Variants in OTUD7A observed in about 807,000 individuals in gnomAD.
OTUD7A encodes the protein OTU deubiquitinase 7A.
A neutral mutation model predicts 65.7 loss-of-function variants in OTUD7A; 12 were observed. The ratio of observed to expected loss-of-function variants is 0.18; its 90% CI spans 0.12 to 0.30. The LOEUF is 0.30. Among genes scored for constraint, OTUD7A ranks in the 10% least tolerant of loss-of-function variants. OTUD7A has a pLI of 1.00. For synonymous variants in OTUD7A, 641 were observed against 586.3 expected (o/e 1.09, Z -1.35); for missense variants, 1,148 against 1,304.8 (o/e 0.88, Z 1.85).
chr15:31,753,332 G>A (rs1421929356), intron 1 of OTUD7A, among the ~76,000 whole-genome samples: 3 of 151,966 alleles, frequency 2.0e-5, no homozygotes, highest in Non-Finnish European at 4.4e-5. Flanking sequence ...GTTATTGGGA[G>A]ACAGGTGGTG....
intron 1 of OTUD7A, among the ~76,000 whole-genome samples, chr15:31,798,588 C>A (rs1434293388): frequency 6.6e-6 from 1 of 152,206 alleles, no homozygotes; most frequent in African/African-American, 2.4e-5. Flanking sequence ...CCCCTGCATG[C>A]TGCACCAACC....
chr15:31,844,366 G>A lies in OTUD7A; in HGVS notation c.-100+26141C>T, dbSNP rs368984190. On this transcript the variant is annotated intron_variant, in intron 1 of 12. Transcript: ENST00000307050. ...CTAAAAATACAAAAATTAGCCAGGC[G>A]CACGCCTGTAATCCCAGCTACTCAG... Among the ~76,000 whole-genome samples the A allele has an allele frequency of 6.6e-5, 10 of 152,278 alleles. No individual in the cohort carries two copies. The East Asian group carries it at 7.7e-4, about 12-fold the overall frequency.
intron 1 of OTUD7A, among the ~76,000 whole-genome samples, chr15:31,770,353 A>T (rs887340760): frequency 1.3e-5 from 2 of 152,246 alleles, no homozygotes; most frequent in Non-Finnish European, 2.9e-5. Context: ...TATACAAATT[A>T]CCAAAGATTA....
chr15:31,767,111 C>T (rs1895110826), intron 1 of OTUD7A: 3 of 1,549,604 alleles, frequency 1.9e-6, no homozygotes, highest in Non-Finnish European at 2.6e-6. Flanking sequence ...GAATCTGATT[C>T]TTCTTTATTT....
chr15:31,759,144 G>T (rs1382916476), intron 1 of OTUD7A, among the ~76,000 whole-genome samples: 8 of 152,156 alleles, frequency 5.3e-5, no homozygotes, highest in Non-Finnish European at 1.2e-4. Flanking sequence ...CAGCAGCTCT[G>T]TATTTCCAGG....
intron 3 of OTUD7A, among the ~76,000 whole-genome samples, chr15:31,593,241 A>G (rs1566935271): frequency 6.6e-6 from 1 of 151,992 alleles, no homozygotes. Context: ...CATTGACTTC[A>G]AAGTCATTAT....
chr15:31,661,008 A>G (rs1225492182), intron 1 of OTUD7A, among the ~76,000 whole-genome samples: 2 of 152,230 alleles, frequency 1.3e-5, no homozygotes, highest in Non-Finnish European at 2.9e-5. Context: ...AATGGGCCCA[A>G]TGGGAAGGAG....
At chr15:31,595,729 G>A (rs1361746065) in intron 3 of OTUD7A, among the ~76,000 whole-genome samples, 2 of 152,236 alleles carry the variant, frequency 1.3e-5, no homozygotes, top group Non-Finnish European at 2.9e-5. Flanking sequence ...CAGCAGAGCC[G>A]TGGTCCCTCC....
intron 1 of OTUD7A, among the ~76,000 whole-genome samples, chr15:31,673,521 C>T (rs4041943): frequency 8.5e-5 from 13 of 152,306 alleles, no homozygotes; most frequent in Non-Finnish European, 1.5e-4. Context: ...ATTCTAAACC[C>T]TCAGCATTGG....
chr15:31,576,593 T>C (rs797010926), intron 3 of OTUD7A, among the ~76,000 whole-genome samples: 47 of 152,262 alleles, frequency 3.1e-4, no homozygotes, highest in African/African-American at 1.1e-3. Context: ...CTAAAGTGTA[T>C]AAAACCCCAC....
chr15:31,601,718 A>G (rs1481842922), intron 3 of OTUD7A, among the ~76,000 whole-genome samples: 1 of 152,200 alleles, frequency 6.6e-6, no homozygotes, highest in East Asian at 1.9e-4. Context: ...AGCCAGACTA[A>G]TAAAGAAGAA....
intron 5 of OTUD7A, among the ~76,000 whole-genome samples, chr15:31,538,253 C>T (rs1362043145): frequency 6.6e-6 from 1 of 152,148 alleles, no homozygotes; most frequent in Admixed American, 6.5e-5. Flanking sequence ...AGCACTGACC[C>T]GCTGGGGAGA....
At chr15:31,584,289 T>C (rs557634362) in intron 3 of OTUD7A, among the ~76,000 whole-genome samples, 10 of 152,350 alleles carry the variant, frequency 6.6e-5, no homozygotes, top group South Asian at 2.1e-4. Flanking sequence ...ACAAGTTTAA[T>C]TGAAAGCCTT....
chr15:31,867,112 C>T (rs939235666), intron 1 of OTUD7A, among the ~76,000 whole-genome samples: 1 of 152,228 alleles, frequency 6.6e-6, no homozygotes, highest in Admixed American at 6.5e-5. Context: ...ACCAAAATAG[C>T]CCTGGAGCAC....
chr15:31,790,932 T>C (rs1895796749), intron 1 of OTUD7A, among the ~76,000 whole-genome samples: 1 of 152,188 alleles, frequency 6.6e-6, no homozygotes, highest in Non-Finnish European at 1.5e-5. Context: ...GGAAGTGACA[T>C]TTTTCCACAG....
At chr15:31,848,525 C>T (rs1403069504) in intron 1 of OTUD7A, among the ~76,000 whole-genome samples, 2 of 152,216 alleles carry the variant, frequency 1.3e-5, no homozygotes, top group Non-Finnish European at 2.9e-5. Flanking sequence ...AAATAGGCTC[C>T]AGAACATCCC....
At chr15:31,660,893 G>A (rs1253130351) in intron 1 of OTUD7A, among the ~76,000 whole-genome samples, 1 of 152,246 alleles carries the variant, frequency 6.6e-6, no homozygotes, top group Non-Finnish European at 1.5e-5. Flanking sequence ...CAGCAACAGT[G>A]GGCAGTGCTG....
intron 1 of OTUD7A, among the ~76,000 whole-genome samples, chr15:31,743,476 A>G (rs1894396157): frequency 6.6e-6 from 1 of 152,354 alleles, no homozygotes; most frequent in East Asian, 1.9e-4. Flanking sequence ...TTATAGTACT[A>G]AACACATAAA....
intron 1 of OTUD7A, among the ~76,000 whole-genome samples, chr15:31,819,969 T>C (rs1263081834): frequency 6.6e-6 from 1 of 152,202 alleles, no homozygotes; most frequent in Non-Finnish European, 1.5e-5. Context: ...GAAATGGTTA[T>C]CATTCACATG....
Sources: gnomAD v4.1 joint callset for allele counts (sites outside exome capture counted in the v4.1 genomes callset) on GRCh38, gnomAD v4.1.1 for gene constraint, MANE v1.5 for transcripts, NCBI Gene and HGNC (gene_info 2026-07-23, HGNC 2026-07-21) for gene names.